TASP1: variants seen among roughly 807,000 people sequenced by gnomAD.
TASP1 encodes taspase 1.
Under a neutral mutation model 56.6 loss-of-function variants are expected in TASP1, and 16 were observed. The observed-to-expected ratio is 0.28, with a 90% CI of 0.19 to 0.43. The LOEUF (loss-of-function observed/expected upper bound fraction) is 0.43, where lower values mean the gene tolerates loss of function less well. Among genes scored for constraint, TASP1 ranks in the 20% least tolerant of loss-of-function variants. The probability of loss-of-function intolerance (pLI) is 1.00; values close to 1 mark genes in which losing one functional copy is unlikely to be tolerated. For missense variants in TASP1, 393 were observed against 511.6 expected (o/e 0.77, Z 2.24); for synonymous variants, 179 against 184.2 (o/e 0.97, Z 0.23).
chr20:13,167,685 T>C, the TASP1 span: 2 of 152,208 alleles, frequency 1.3e-5, no homozygotes, highest in Non-Finnish European at 2.9e-5. Flanking sequence ...CGTTTAACCA[T>C]ATTGCCTTTC....
chr20:13,189,915 G>C, the TASP1 span, among the ~76,000 whole-genome samples: 2 of 152,142 alleles, frequency 1.3e-5, no homozygotes, highest in African/African-American at 4.8e-5. Flanking sequence ...GCCCATCAGT[G>C]GTGGAATGTA....
intron 6 of TASP1, among the ~76,000 whole-genome samples, chr20:13,570,617 A>G (rs1016166481): frequency 2.0e-5 from 3 of 152,144 alleles, no homozygotes; most frequent in Admixed American, 1.3e-4. Context: ...TAATATACAT[A>G]AAGATGGGGA....
chr20:13,306,564 C>CAAAAAAAAAAAAGA, the TASP1 span, among the ~76,000 whole-genome samples: 1 of 63,914 alleles, frequency 1.6e-5, no homozygotes, highest in Non-Finnish European at 2.6e-5. Flanking sequence ...GGAGAAAGGA[C>CAAAAAAAAAAAAGA]AAAAAAAAAA....
At chr20:13,320,112 G>A in the TASP1 span, among the ~76,000 whole-genome samples, 1,760 of 152,316 alleles carry the variant, frequency 0.012, 17 homozygotes, top group Middle Eastern at 0.034. Flanking sequence ...GTCCCCTCCT[G>A]TGAGAAGCAA....
At chr20:13,176,375 T>A in the TASP1 span, among the ~76,000 whole-genome samples, 1 of 152,232 alleles carries the variant, frequency 6.6e-6, no homozygotes, top group Non-Finnish European at 1.5e-5. Flanking sequence ...GCCTTTATTA[T>A]GTTGAGGTTT....
At chr20:13,186,334 T>C in the TASP1 span, among the ~76,000 whole-genome samples, 1 of 152,226 alleles carries the variant, frequency 6.6e-6, no homozygotes, top group Non-Finnish European at 1.5e-5. Flanking sequence ...CCGTATTCTT[T>C]CTGGGAAAGG....
chr20:13,303,688 T>C, the TASP1 span, among the ~76,000 whole-genome samples: 4 of 152,214 alleles, frequency 2.6e-5, no homozygotes, highest in African/African-American at 9.6e-5. Context: ...GACAAGTTAA[T>C]ACATTGGCAT....
chr20:13,329,871 T>A, the TASP1 span, among the ~76,000 whole-genome samples: 122 of 152,308 alleles, frequency 8.0e-4, no homozygotes, highest in African/African-American at 2.8e-3. Flanking sequence ...CTGCGGAGAT[T>A]TTCGTAAATA....
At chr20:13,323,683 A>G in the TASP1 span, among the ~76,000 whole-genome samples, 3 of 152,214 alleles carry the variant, frequency 2.0e-5, no homozygotes, top group Non-Finnish European at 4.4e-5. Context: ...TTTCTTATAC[A>G]TGTCATGGAC....
chr20:13,144,419 G>A, the TASP1 span, among the ~76,000 whole-genome samples: 1 of 152,192 alleles, frequency 6.6e-6, no homozygotes, highest in Non-Finnish European at 1.5e-5. Context: ...AGAAATAGAT[G>A]TAGTAGCTAT....
At chr20:13,290,518 G>A in the TASP1 span, among the ~76,000 whole-genome samples, 4 of 152,044 alleles carry the variant, frequency 2.6e-5, no homozygotes, top group Non-Finnish European at 5.9e-5. Context: ...GCATGGTGGC[G>A]GGCGCCTGTA....
At chr20:13,391,088 G>C (rs1325419061) in intron 13 of TASP1, among the ~76,000 whole-genome samples, 1 of 152,212 alleles carries the variant, frequency 6.6e-6, no homozygotes, top group Non-Finnish European at 1.5e-5. Flanking sequence ...TAGCAGCAGA[G>C]ATCAGGTAGG....
chr20:13,246,585 G>A, the TASP1 span, among the ~76,000 whole-genome samples: 1 of 152,030 alleles, frequency 6.6e-6, no homozygotes, highest in African/African-American at 2.4e-5. Flanking sequence ...CCACATTTAA[G>A]GAGGCAGAGC....
chr20:13,201,731 A>T, the TASP1 span, among the ~76,000 whole-genome samples: 1 of 151,744 alleles, frequency 6.6e-6, no homozygotes. Flanking sequence ...GCAGTAAAAA[A>T]TTGTGGGCTC....
rs559037411 is a variant in TASP1 at position 13,442,108 on chromosome 20, T to G, written c.986-6954A>C. 5.3e-5 allele frequency among the ~76,000 whole-genome samples: 8 copies of G among 152,286 alleles called. No homozygotes were observed. The South Asian group carries it at 1.7e-3, about 32-fold the overall frequency. On this transcript the variant is annotated intron_variant, in intron 11 of 13. Coordinates refer to ENST00000337743, the MANE Select transcript of TASP1 (RefSeq NM_017714.3). ...TAAGATTTCCCCCTGGGCCCACTGT[T>G]GTGAACTGTCCTTCCTGGCTCCCTT...
At chr20:13,321,378 C>A in the TASP1 span, among the ~76,000 whole-genome samples, 2 of 151,284 alleles carry the variant, frequency 1.3e-5, no homozygotes, top group African/African-American at 2.4e-5. Flanking sequence ...AAAATTCTTA[C>A]AGCTAGTGTG....
intron 4 of TASP1, among the ~76,000 whole-genome samples, chr20:13,591,928 G>A (rs988206452): frequency 1.3e-5 from 2 of 151,256 alleles, no homozygotes; most frequent in African/African-American, 4.9e-5. Context: ...CAAATGGTAG[G>A]GCAACTACTA....
chr20:13,131,080 CAT>C, the TASP1 span, among the ~76,000 whole-genome samples: 1 of 152,060 alleles, frequency 6.6e-6, no homozygotes. Context: ...CTTATCTAGA[CAT>C]AGCACACATA....
chr20:13,233,029 A>C, the TASP1 span, among the ~76,000 whole-genome samples: 1 of 151,994 alleles, frequency 6.6e-6, no homozygotes, highest in Non-Finnish European at 1.5e-5. Flanking sequence ...TGGACCAAAA[A>C]AAAAAAAGAA....
Sources: allele counts gnomAD v4.1 joint callset (sites outside exome capture counted in the v4.1 genomes callset), GRCh38; gene constraint gnomAD v4.1.1; transcripts MANE v1.5; gene names NCBI Gene and HGNC (gene_info 2026-07-23, HGNC 2026-07-21).